Variants in MROH9 observed in about 807,000 individuals in gnomAD.
The protein encoded by MROH9 is maestro heat-like repeat-containing protein family member 9.
MROH9 carries 92 observed loss-of-function variants against 98.2 expected under a neutral mutation model. The ratio of observed to expected loss-of-function variants is 0.94; its 90% CI spans 0.79 to 1.11. The LOEUF is 1.11. Ranked by LOEUF, MROH9 falls within the 50% of genes most tolerant of loss-of-function variation. The pLI is 0.00. For missense variants in MROH9, 1,057 were observed against 1,014.8 expected, an observed-to-expected ratio of 1.04 and a Z score of -0.57; for synonymous variants, 397 against 368.9, an observed-to-expected ratio of 1.08 and a Z score of -0.87.
intron 20 of MROH9, among the ~76,000 whole-genome samples, chr1:171,050,307 T>G (rs537383620): frequency 2.0e-5 from 3 of 152,198 alleles, no homozygotes; most frequent in Non-Finnish European, 4.4e-5. Flanking sequence ...TTTTTGTATA[T>G]GGTAAGAAAC....
chr1:170,936,200 A>G (rs1304413548), intron 1 of MROH9, among the ~76,000 whole-genome samples: 1 of 152,126 alleles, frequency 6.6e-6, no homozygotes, highest in African/African-American at 2.4e-5. Context: ...GTATTGGTTT[A>G]CACAATAATA....
intron 20 of MROH9, among the ~76,000 whole-genome samples, chr1:171,026,690 A>T (rs185839280): frequency 1.3e-5 from 2 of 152,240 alleles, no homozygotes; most frequent in Admixed American, 6.5e-5. Flanking sequence ...AAGTAATTTT[A>T]AAAAAGAAAC....
chr1:170,992,829 G>A (rs911065721), intron 12 of MROH9, among the ~76,000 whole-genome samples: 18 of 152,304 alleles, frequency 1.2e-4, no homozygotes, highest in African/African-American at 4.3e-4. Context: ...GGAGATGAAA[G>A]TATAGGAGAT....
rs1571180105 is a variant in MROH9 at position 171,063,999 on chromosome 1, AG to A, written c.2345-95del. On this transcript the variant is annotated intron_variant, in intron 21 of 21. Coordinates refer to ENST00000367759, the MANE Select transcript of MROH9 (RefSeq NM_001163629.2). The stretch of plus-strand genomic sequence containing the variant: ...GGAATGCAGAGGAGAGATGGAGAGA[AG>A]GGGGCACTCTGTGAAAGGTGGCAGG... 10 of 1,186,818 alleles carry A rather than the reference AG, an allele frequency of 8.4e-6. No individual in the cohort carries two copies. The East Asian group carries it at 2.6e-4, about 31-fold the overall frequency. The allele number at this position is 1,186,818 out of a possible 1,614,324, so 73.5% of individuals were successfully genotyped here.
chr1:170,992,640 G>A (rs1651403204), intron 12 of MROH9, among the ~76,000 whole-genome samples: 1 of 152,180 alleles, frequency 6.6e-6, no homozygotes, highest in East Asian at 1.9e-4. Flanking sequence ...GTCAGGGCAG[G>A]CCTCTCTGCT....
chr1:171,043,317 T>A (rs1486855288), intron 20 of MROH9, among the ~76,000 whole-genome samples: 1 of 152,158 alleles, frequency 6.6e-6, no homozygotes, highest in African/African-American at 2.4e-5. Flanking sequence ...GGGTTCTCTA[T>A]TCTGTTCCAT....
chr1:170,960,532 T>C, intron 5 of MROH9, among the ~76,000 whole-genome samples: 1 of 152,206 alleles, frequency 6.6e-6, no homozygotes, highest in East Asian at 1.9e-4. Flanking sequence ...AATACCCACA[T>C]AGCATACAAT....
intron 1 of MROH9, among the ~76,000 whole-genome samples, chr1:170,944,729 T>C (rs1209749705): frequency 1.3e-5 from 2 of 152,028 alleles, no homozygotes; most frequent in Non-Finnish European, 2.9e-5. Flanking sequence ...CATAATCCAC[T>C]ATGATGATAC....
At chr1:170,998,838 A>G (rs943459496) in intron 15 of MROH9, 1 of 794,728 alleles carries the variant, frequency 1.3e-6, no homozygotes, top group Non-Finnish European at 1.5e-6. Context: ...TTAAAATAAT[A>G]ATATAATAGG....
At chr1:170,938,882 CTCGGTAG>C (rs1384862784) in intron 1 of MROH9, among the ~76,000 whole-genome samples, 1 of 152,216 alleles carries the variant, frequency 6.6e-6, no homozygotes, top group African/African-American at 2.4e-5. Context: ...ATATTGGCCA[CTCGGTAG>C]TGGCCACAGC....
chr1:170,998,527 A>T (rs1455460075), intron 15 of MROH9: 1 of 1,428,194 alleles, frequency 7.0e-7, no homozygotes, highest in Admixed American at 2.9e-5. Context: ...TACAAAAACT[A>T]ATTATTTTTT....
intron 5 of MROH9, 152 bp downstream of exon 5, chr1:170,959,749 C>A: frequency 5.3e-6 from 3 of 566,152 alleles, no homozygotes; most frequent in Non-Finnish European, 8.5e-6. Flanking sequence ...CCACTGGACT[C>A]CTTGTGAGTT....
At position 170,971,817 on chromosome 1, in the gene MROH9, C is replaced by A; in HGVS notation, c.550C>A (p.Pro184Thr). The A allele has an allele frequency of 6.2e-7, 1 of 1,614,000 alleles. No homozygotes were observed. ...GTCTCTTTTGTGTTCCCATGAAGAT[C>A]CCTCGATTGTAAAACAAGCATCATT... ...ELSLLCSHED[P>T]SIVKQASLGM... The change falls in exon 8 of 22, where the codon CCC becomes ACC. Residue 184 changes from proline (P) to threonine (T), a missense_variant. Coordinates refer to ENST00000367759, the MANE Select transcript of MROH9 (RefSeq NM_001163629.2).
chr1:171,016,589 A>G (rs1375486986), intron 17 of MROH9, among the ~76,000 whole-genome samples: 1 of 152,066 alleles, frequency 6.6e-6, no homozygotes. Flanking sequence ...TTGTGGCTAT[A>G]TACTGATTAA....
intron 11 of MROH9, among the ~76,000 whole-genome samples, chr1:170,991,418 A>G (rs1651349837): frequency 6.6e-6 from 1 of 152,152 alleles, no homozygotes; most frequent in African/African-American, 2.4e-5. Flanking sequence ...GTATTTCCAT[A>G]TTCCAAGGGA....
At chr1:171,000,609 A>C (rs1284945980) in intron 15 of MROH9, among the ~76,000 whole-genome samples, 1 of 152,140 alleles carries the variant, frequency 6.6e-6, no homozygotes, top group Non-Finnish European at 1.5e-5. Flanking sequence ...ATGGTGGATT[A>C]TCTTTCTGAT....
chr1:171,007,097 T>A (rs543324579), intron 15 of MROH9, among the ~76,000 whole-genome samples: 10 of 152,244 alleles, frequency 6.6e-5, no homozygotes, highest in Non-Finnish European at 1.3e-4. Flanking sequence ...TCTTCCCACT[T>A]TTACAGACTG....
At chr1:171,045,114 G>A (rs558064114) in intron 20 of MROH9, among the ~76,000 whole-genome samples, 41 of 147,022 alleles carry the variant, frequency 2.8e-4, no homozygotes, top group Non-Finnish European at 4.8e-4. Flanking sequence ...CCATTCTCCC[G>A]CCTCAGCCTC....
At chr1:171,016,604 A>G (rs1652335683) in intron 17 of MROH9, among the ~76,000 whole-genome samples, 1 of 152,142 alleles carries the variant, frequency 6.6e-6, no homozygotes, top group African/African-American at 2.4e-5. Context: ...GATTAACCCT[A>G]TATCTGGACT....
Sources: gnomAD v4.1 joint callset for allele counts (sites outside exome capture counted in the v4.1 genomes callset) on GRCh38, gnomAD v4.1.1 for gene constraint, MANE v1.5 for transcripts, NCBI Gene and HGNC (gene_info 2026-07-23, HGNC 2026-07-21) for gene names.